The following CAMTA1 variants were observed in gnomAD, a reference collection of about 807,000 sequenced individuals.
CAMTA1 encodes calmodulin-binding transcription activator 1.
Under a neutral mutation model 170.9 loss-of-function variants are expected in CAMTA1, and 27 were observed. The observed-to-expected ratio is 0.16, with a 90% confidence interval of 0.12 to 0.22. The LOEUF (loss-of-function observed/expected upper bound fraction) is 0.22. Among genes scored for constraint, CAMTA1 ranks in the 10% least tolerant of loss-of-function variants. The pLI is 1.00. For synonymous variants in CAMTA1, 833 were observed against 891.5 expected (o/e 0.93, Z 1.17); for missense variants, 1,619 against 2,217.2 (o/e 0.73, Z 5.42).
intron 4 of CAMTA1, among the ~76,000 whole-genome samples, chr1:7,151,534 G>T (rs1345605536): frequency 2.6e-5 from 4 of 152,160 alleles, no homozygotes; most frequent in African/African-American, 9.7e-5. Flanking sequence ...CGAGACGGGA[G>T]CTGCTTTTTC....
Position 7,732,658 on chromosome 1 carries a change from G to A in CAMTA1, c.3066+59G>A, listed in dbSNP as rs2096742695. 9.3e-6 allele frequency: 14 copies of A among 1,501,242 alleles called. No homozygotes were observed. In the South Asian group the frequency reaches 1.7e-4, roughly 19 times the overall value. The allele number at this position is 1,501,242 out of a possible 1,614,324, so 93.0% of individuals were successfully genotyped here. ...CGCTTCATGTTTATGGATTGGCGAG[G>A]CAGTGGATGGATCACAGGCCTCTTC... On this transcript the variant is annotated intron_variant, in intron 12 of 22. Coordinates refer to ENST00000303635, the MANE Select transcript of CAMTA1 (RefSeq NM_015215.4). The surrounding 1 kb of genome is among the most constrained non-coding windows in gnomAD (Gnocchi z 4.1).
intron 5 of CAMTA1, among the ~76,000 whole-genome samples, chr1:7,269,776 C>G (rs775202364): frequency 2.4e-4 from 37 of 152,156 alleles, no homozygotes; most frequent in Non-Finnish European, 4.9e-4. Context: ...GAGGCCCAGA[C>G]CATGAGGAGT....
At chr1:7,180,495 C>T (rs970502190) in intron 4 of CAMTA1, among the ~76,000 whole-genome samples, 2 of 150,050 alleles carry the variant, frequency 1.3e-5, no homozygotes, top group African/African-American at 2.4e-5. Flanking sequence ...AAGGAACTAC[C>T]CCAAATGTCA....
intron 1 of CAMTA1, among the ~76,000 whole-genome samples, chr1:6,816,194 C>T (rs1207799211): frequency 6.6e-6 from 1 of 152,196 alleles, no homozygotes. Context: ...ATTCCTTCCA[C>T]TCCACCATGG....
At chr1:6,975,094 A>G (rs1693177697) in intron 3 of CAMTA1, among the ~76,000 whole-genome samples, 1 of 152,024 alleles carries the variant, frequency 6.6e-6, no homozygotes, top group African/African-American at 2.4e-5. Context: ...CTGGGGGAGG[A>G]TGCTGCAGGG....
intron 5 of CAMTA1, among the ~76,000 whole-genome samples, chr1:7,284,136 T>TTCTTCTTCC: frequency 1.4e-5 from 1 of 72,102 alleles, no homozygotes; most frequent in East Asian, 3.8e-4. Context: ...GTTCTTCTTC[T>TTCTTCTTCC]TCTTCTTCTT....
At chr1:6,813,045 G>A (rs1570340509) in intron 1 of CAMTA1, among the ~76,000 whole-genome samples, 1 of 152,266 alleles carries the variant, frequency 6.6e-6, no homozygotes, top group East Asian at 1.9e-4. Context: ...TAACTTGACT[G>A]TATACTTTAA....
Position 7,249,776 on chromosome 1 carries a change from T to C in CAMTA1, c.438+150T>C, listed in dbSNP as rs185380449. The C allele has an allele frequency of 9.9e-4, 860 of 871,712 alleles. 2 individuals carry two copies. In the African/African-American group the frequency reaches 0.013, roughly 14 times the overall value. 54.0% of individuals were successfully genotyped at this position (871,712 alleles called of 1,614,324 possible). ...CCTGGTTTTTGCTTTTGTTTCGTTTTTCTACCTTCTTACCCTATAGTCTCC... is the reference window on the plus strand; with the variant it reads ...CCTGGTTTTTGCTTTTGTTTCGTTTCTCTACCTTCTTACCCTATAGTCTCC... On this transcript the variant is annotated intron_variant, in intron 5 of 22. Coordinates refer to ENST00000303635, the MANE Select transcript of CAMTA1 (RefSeq NM_015215.4). This position sits in a 1 kb window ranked among gnomAD's most constrained non-coding sequence, Gnocchi z 4.4.
At chr1:7,453,785 C>A (rs531137151) in intron 5 of CAMTA1, among the ~76,000 whole-genome samples, 1 of 152,316 alleles carries the variant, frequency 6.6e-6, no homozygotes, top group South Asian at 2.1e-4. Context: ...AGACAAAAGA[C>A]CCCCCTGAGG....
chr1:7,290,637 C>A (rs754175938), intron 5 of CAMTA1, among the ~76,000 whole-genome samples: 1 of 152,238 alleles, frequency 6.6e-6, no homozygotes, highest in Non-Finnish European at 1.5e-5. Flanking sequence ...TTAGTGCTTT[C>A]TCCGCATATA....
chr1:6,832,444 T>C (rs1375746160), intron 3 of CAMTA1, among the ~76,000 whole-genome samples: 1 of 152,242 alleles, frequency 6.6e-6, no homozygotes, highest in Non-Finnish European at 1.5e-5. Flanking sequence ...GTGTTTCTTG[T>C]GTTTTTAATT....
intron 11 of CAMTA1, among the ~76,000 whole-genome samples, chr1:7,713,580 C>T (rs2096587361): frequency 1.3e-5 from 2 of 152,190 alleles, no homozygotes; most frequent in African/African-American, 4.8e-5. Context: ...TGTGTTTCAC[C>T]TAGTATTTCC....
rs2095697878 is a variant in CAMTA1, at chr1:7,634,789, G to A, written c.511-5611G>A. 6.6e-6 allele frequency among the ~76,000 whole-genome samples: 1 copy of A among 152,124 alleles called. No individual in the cohort carries two copies. ...GCACGTCAGGGCTTTTTTCTGTCTGGGTTTGGTTTTGGTGGTGGTTGGTGG... is the reference window on the plus strand; with the variant it reads ...GCACGTCAGGGCTTTTTTCTGTCTGAGTTTGGTTTTGGTGGTGGTTGGTGG... On this transcript the variant is annotated intron_variant, in intron 6 of 22. Coordinates refer to ENST00000303635, the MANE Select transcript of CAMTA1 (RefSeq NM_015215.4). This position sits in a 1 kb window ranked among gnomAD's most constrained non-coding sequence, Gnocchi z 6.2.
chr1:7,287,380 G>A (rs1378048817), intron 5 of CAMTA1, among the ~76,000 whole-genome samples: 2 of 152,236 alleles, frequency 1.3e-5, no homozygotes, highest in African/African-American at 4.8e-5. Context: ...AGTCATCTGA[G>A]AGGGAAGACC....
At chr1:7,073,774 A>T (rs1638948848) in intron 3 of CAMTA1, among the ~76,000 whole-genome samples, 1 of 152,302 alleles carries the variant, frequency 6.6e-6, no homozygotes, top group Admixed American at 6.5e-5. Context: ...AAAATCTGAT[A>T]GGAATGGGCT....
At chr1:7,104,331 A>G (rs983724939) in intron 4 of CAMTA1, among the ~76,000 whole-genome samples, 23 of 151,668 alleles carry the variant, frequency 1.5e-4, no homozygotes, top group Non-Finnish European at 3.2e-4. Flanking sequence ...ACACACATAT[A>G]CATACATGTA....
rs368084383 is a variant in CAMTA1, at chr1:7,673,288, G to A, written c.2779+2251G>A. On this transcript the variant is annotated intron_variant, in intron 10 of 22. Transcript: ENST00000303635. This position sits in a 1 kb window ranked among gnomAD's most constrained non-coding sequence, Gnocchi z 4.6. ...CCCAGATCAGCCAGAAACCATCCCT[G>A]TTGCTGGAGCTCAGTGCCTGACCTC... Among the ~76,000 whole-genome samples the A allele has an allele frequency of 1.4e-4, 22 of 152,372 alleles. No individual in the cohort carries two copies. In the East Asian group the frequency reaches 3.7e-3, roughly 25 times the overall value.
At chr1:7,595,386 A>G (rs1203827508) in intron 6 of CAMTA1, among the ~76,000 whole-genome samples, 1 of 152,254 alleles carries the variant, frequency 6.6e-6, no homozygotes, top group Non-Finnish European at 1.5e-5. Context: ...GTTTTTAAAA[A>G]TACCTTTTAG....
intron 3 of CAMTA1, among the ~76,000 whole-genome samples, chr1:6,942,444 G>A (rs1686807428): frequency 6.6e-6 from 1 of 152,178 alleles, no homozygotes; most frequent in South Asian, 2.1e-4. Context: ...GATCACTTGA[G>A]TCCAGGAGTT....
Sources: allele counts gnomAD v4.1 joint callset (sites outside exome capture counted in the v4.1 genomes callset), GRCh38; gene constraint gnomAD v4.1.1; non-coding constraint Gnocchi (gnomAD v3.1); transcripts MANE v1.5; gene names NCBI Gene and HGNC (gene_info 2026-07-23, HGNC 2026-07-21).